MAML2: variants seen among roughly 807,000 people sequenced by gnomAD.
The protein encoded by MAML2 is mastermind-like protein 2.
Under a neutral mutation model 96.1 loss-of-function variants are expected in MAML2, and 22 were observed. The ratio of observed to expected loss-of-function variants is 0.23; its 90% confidence interval spans 0.16 to 0.33. MAML2 has a LOEUF of 0.33. MAML2 is among the 10% of genes least tolerant of loss of function. The probability of loss-of-function intolerance (pLI) is 1.00; values close to 1 mark genes in which losing one functional copy is unlikely to be tolerated. For synonymous variants in MAML2, 561 were observed against 521.3 expected (o/e 1.08, Z -1.04); for missense variants, 1,367 against 1,392.4 (o/e 0.98, Z 0.29).
At chr11:96,056,573 C>G (rs1307609706) in intron 2 of MAML2, among the ~76,000 whole-genome samples, 1 of 152,084 alleles carries the variant, frequency 6.6e-6, no homozygotes, top group Non-Finnish European at 1.5e-5. Context: ...CTGCCACAGC[C>G]GCTGTTAATA....
intron 1 of MAML2, among the ~76,000 whole-genome samples, chr11:96,233,278 A>AT (rs1207829330): frequency 1.3e-5 from 2 of 152,142 alleles, no homozygotes; most frequent in Non-Finnish European, 2.9e-5. Flanking sequence ...CTTTTAAATA[A>AT]TTTTTCTTTC....
chr11:96,142,644 T>C (rs569428905), intron 1 of MAML2, among the ~76,000 whole-genome samples: 2 of 152,342 alleles, frequency 1.3e-5, no homozygotes. Flanking sequence ...CTAAAGAAAG[T>C]ATTGCCAATG....
At chr11:96,054,114 T>C (rs1223822899) in intron 2 of MAML2, among the ~76,000 whole-genome samples, 2 of 152,196 alleles carry the variant, frequency 1.3e-5, no homozygotes, top group Non-Finnish European at 2.9e-5. Flanking sequence ...GAGGAGTTCT[T>C]AGCCAGGTGC....
intron 2 of MAML2, among the ~76,000 whole-genome samples, chr11:95,997,936 A>G (rs1466783384): frequency 6.6e-6 from 1 of 152,016 alleles, no homozygotes; most frequent in Non-Finnish European, 1.5e-5. Context: ...ACAGTCATAT[A>G]TATATATATT....
chr11:96,114,778 C>T (rs1860205442), intron 1 of MAML2, among the ~76,000 whole-genome samples: 1 of 152,212 alleles, frequency 6.6e-6, no homozygotes, highest in Non-Finnish European at 1.5e-5. Context: ...GTAGAAAAGG[C>T]TCAGGCCCCA....
chr11:96,058,826 A>G (rs1433536786), intron 2 of MAML2, among the ~76,000 whole-genome samples: 2 of 152,212 alleles, frequency 1.3e-5, no homozygotes, highest in East Asian at 3.9e-4. Flanking sequence ...GCCCTTCTCT[A>G]TAATAGGATT....
intron 1 of MAML2, among the ~76,000 whole-genome samples, chr11:96,276,647 TA>T (rs915342564): frequency 3.0e-4 from 45 of 151,744 alleles, no homozygotes; most frequent in Admixed American, 1.8e-3. Flanking sequence ...TCCACGTAGT[TA>T]AATGGATCCA....
chr11:96,184,779 C>T (rs1861547251), intron 1 of MAML2, among the ~76,000 whole-genome samples: 1 of 151,852 alleles, frequency 6.6e-6, no homozygotes, highest in South Asian at 2.1e-4. Flanking sequence ...TTAGTAGAGA[C>T]GGGGTTTCAC....
rs567407788 is a variant in MAML2 at position 96,179,753 on chromosome 11, A to G, written c.514-86236T>C. On this transcript the variant is annotated intron_variant, in intron 1 of 4. Coordinates refer to ENST00000524717, the MANE Select transcript of MAML2 (RefSeq NM_032427.4). Reference sequence around the variant, plus strand: ...GTCCAAGATGCTGCTTTCCCCTCCAACTCTCTTTCACTCTTTCATGCCACT... The same window carrying G: ...GTCCAAGATGCTGCTTTCCCCTCCAGCTCTCTTTCACTCTTTCATGCCACT... 2.5e-3 allele frequency among the ~76,000 whole-genome samples: 383 copies of G among 151,796 alleles called. 4 individuals carry two copies. The highest frequency in any genetic ancestry group is 8.3e-3 in the African/African-American group (345 of 41,352).
Position 96,092,888 on chromosome 11 carries a change from C to A in MAML2, c.1143G>T (p.Gln381His), listed in dbSNP as rs201509772. Residue 381 changes from glutamine (Q) to histidine (H), a missense_variant, in exon 2 of 5, where the codon CAG becomes CAT. Gln to His is a conservative substitution (Grantham distance 24). Transcript: ENST00000524717. The surrounding 1 kb of genome is among the most constrained non-coding windows in gnomAD (Gnocchi z 4.1). ...CGGGGCCAGCTGATGGGGGCCTCAG[C>A]TGAGGAGAGCCTGAGGGGCCCTGAG... ...GLTQGPSGSP[Q>H]LRPPSAGPAF... The A allele has an allele frequency of 7.1e-4, 1,146 of 1,605,242 alleles. 8 individuals carry two copies. Among genetic ancestry groups the A allele is most frequent in the Middle Eastern group, 2.3e-3 (14 of 6,000 alleles).
intron 1 of MAML2, among the ~76,000 whole-genome samples, chr11:96,280,121 A>C (rs997914766): frequency 6.6e-6 from 1 of 152,222 alleles, no homozygotes; most frequent in East Asian, 1.9e-4. Context: ...CCAGGTGTGA[A>C]CTGCTATGCT....
At chr11:96,286,062 A>G (rs484106) in intron 1 of MAML2, among the ~76,000 whole-genome samples, 36,933 of 152,144 alleles carry the variant, frequency 0.24, 4,653 homozygotes, top group Middle Eastern at 0.3. Flanking sequence ...TAGCAAAGAC[A>G]TGGAATTAAC....
intron 2 of MAML2, among the ~76,000 whole-genome samples, chr11:96,089,501 T>C (rs1859671044): frequency 6.6e-6 from 1 of 152,194 alleles, no homozygotes; most frequent in Admixed American, 6.5e-5. Flanking sequence ...AGGATGAATG[T>C]TACTGTGTTG....
intron 4 of MAML2, among the ~76,000 whole-genome samples, chr11:95,980,796 A>T (rs1857724902): frequency 6.6e-6 from 1 of 152,152 alleles, no homozygotes; most frequent in African/African-American, 2.4e-5. Flanking sequence ...GTGGAGTCTC[A>T]AAGTGCCTGC....
intron 1 of MAML2, among the ~76,000 whole-genome samples, chr11:96,188,193 CAT>C (rs1005249108): frequency 1.3e-5 from 2 of 152,338 alleles, no homozygotes; most frequent in African/African-American, 4.8e-5. Context: ...GAAACAAGCA[CAT>C]GTTTGAAACC....
intron 1 of MAML2, among the ~76,000 whole-genome samples, chr11:96,117,346 A>T: frequency 6.7e-6 from 1 of 149,810 alleles, no homozygotes. Flanking sequence ...CCTAGGCTGG[A>T]GTACAGTGGC....
At chr11:96,313,516 C>T (rs1363373082) in intron 1 of MAML2, among the ~76,000 whole-genome samples, 4 of 152,176 alleles carry the variant, frequency 2.6e-5, no homozygotes, top group Non-Finnish European at 4.4e-5. Flanking sequence ...TTCCCCACCT[C>T]GCCCAGCCTC....
At chr11:96,117,910 C>T (rs1181196161) in intron 1 of MAML2, among the ~76,000 whole-genome samples, 1 of 152,184 alleles carries the variant, frequency 6.6e-6, no homozygotes, top group Non-Finnish European at 1.5e-5. Context: ...CTGTTCTCTT[C>T]TTTATATATA....
At chr11:96,028,680 A>G (rs1241386707) in intron 2 of MAML2, among the ~76,000 whole-genome samples, 3 of 152,246 alleles carry the variant, frequency 2.0e-5, no homozygotes, top group Non-Finnish European at 4.4e-5. Flanking sequence ...AATACTCAGC[A>G]AAGTCTAACA....
Sources: allele counts gnomAD v4.1 joint callset (sites outside exome capture counted in the v4.1 genomes callset), GRCh38; gene constraint gnomAD v4.1.1; non-coding constraint Gnocchi (gnomAD v3.1); transcripts MANE v1.5; gene names NCBI Gene and HGNC (gene_info 2026-07-23, HGNC 2026-07-21).